COL4A2: variants seen among roughly 807,000 people sequenced by gnomAD.
COL4A2 encodes collagen type IV alpha 2 chain, also known as collagen alpha-2(IV) chain.
Under a neutral mutation model 200.2 loss-of-function variants are expected in COL4A2, and 99 were observed. The observed-to-expected ratio is 0.49, with a 90% CI of 0.42 to 0.58. The LOEUF (loss-of-function observed/expected upper bound fraction) is 0.58. Ranked by LOEUF, COL4A2 falls within the 20% of genes least tolerant of loss-of-function variation. The probability of loss-of-function intolerance (pLI) is 0.00; values close to 1 mark genes in which losing one functional copy is unlikely to be tolerated. For missense variants in COL4A2, 1,950 were observed against 2,314.1 expected, an observed-to-expected ratio of 0.84 and a Z score of 3.23; for synonymous variants, 897 against 900.6, an observed-to-expected ratio of 1.00 and a Z score of 0.07.
chr13:110,450,507 C>T (rs769152404), intron 20 of COL4A2, 53 bp downstream of exon 20: 14 of 1,589,696 alleles, frequency 8.8e-6, no homozygotes, highest in Admixed American at 3.4e-5. Flanking sequence ...AGATGAAGCC[C>T]GGTCCCAGCC....
At chr13:110,319,138 GTCT>G (rs1885218753) in intron 3 of COL4A2, among the ~76,000 whole-genome samples, 1 of 152,044 alleles carries the variant, frequency 6.6e-6, no homozygotes, top group African/African-American at 2.4e-5. Flanking sequence ...GGAGGTTTTA[GTCT>G]TCACGATTCT....
intron 4 of COL4A2, among the ~76,000 whole-genome samples, chr13:110,403,201 T>C (rs1415791737): frequency 6.6e-6 from 1 of 152,216 alleles, no homozygotes; most frequent in African/African-American, 2.4e-5. Context: ...GCTGAACATG[T>C]TTTCTACTCT....
At chr13:110,503,787 C>A in intron 43 of COL4A2, 60 bp from the exon 44 acceptor site, 14 of 1,596,210 alleles carry the variant, frequency 8.8e-6, no homozygotes, top group Non-Finnish European at 1.2e-5. Context: ...CAGTAGCACT[C>A]GGAGCAAGAG....
intron 41 of COL4A2, 60 bp downstream of exon 41, chr13:110,501,844 C>T: frequency 6.7e-7 from 1 of 1,500,856 alleles, no homozygotes. Context: ...TGGCAATGGC[C>T]CGCTTAATGT....
chr13:110,507,330 T>C (rs1883920643), intron 46 of COL4A2: 1 of 153,086 alleles, frequency 6.5e-6, no homozygotes, highest in Non-Finnish European at 1.5e-5. Context: ...CCGCCAAGGA[T>C]AAGGGCCAAA....
At chr13:110,412,652 G>C (rs1001950278) in intron 4 of COL4A2, among the ~76,000 whole-genome samples, 10 of 152,194 alleles carry the variant, frequency 6.6e-5, no homozygotes, top group African/African-American at 2.4e-4. Flanking sequence ...TTACGCCCCT[G>C]AGTCACAGTA....
intron 29 of COL4A2, among the ~76,000 whole-genome samples, chr13:110,477,188 A>T (rs1181470896): frequency 1.3e-5 from 2 of 152,232 alleles, no homozygotes; most frequent in Non-Finnish European, 2.9e-5. Context: ...GTCTCCATTT[A>T]AAAAAGAAAG....
chr13:110,311,726 A>G (rs1347964968), intron 3 of COL4A2, among the ~76,000 whole-genome samples: 1 of 152,118 alleles, frequency 6.6e-6, no homozygotes, highest in Non-Finnish European at 1.5e-5. Context: ...ATTGTCACCT[A>G]TCTCCAGAGG....
intron 4 of COL4A2, among the ~76,000 whole-genome samples, chr13:110,373,567 CAT>C (rs1265780238): frequency 6.6e-6 from 1 of 152,222 alleles, no homozygotes; most frequent in African/African-American, 2.4e-5. Context: ...CTCCTGTCCT[CAT>C]GTGTGGCTTA....
At chr13:110,343,688 C>T (rs1300050714) in intron 3 of COL4A2, among the ~76,000 whole-genome samples, 1 of 152,244 alleles carries the variant, frequency 6.6e-6, no homozygotes, top group Non-Finnish European at 1.5e-5. Flanking sequence ...CGCAGCGCTG[C>T]TGTGTGCCAA....
chr13:110,466,415 C>T (rs1444258753), intron 26 of COL4A2, among the ~76,000 whole-genome samples: 1 of 152,136 alleles, frequency 6.6e-6, no homozygotes, highest in Non-Finnish European at 1.5e-5. Context: ...AAGATGGGAG[C>T]CTGGTCCAGA....
rs527466938 is a variant in COL4A2 at position 110,483,835 on chromosome 13, C to T, written c.2903-1070C>T. Among the ~76,000 whole-genome samples, 20 of 152,314 alleles carry T rather than the reference C, an allele frequency of 1.3e-4. No homozygotes were observed. In the South Asian group the frequency reaches 3.1e-3, roughly 24 times the overall value. On this transcript the variant is annotated intron_variant, in intron 32 of 47. Coordinates refer to ENST00000360467, the MANE Select transcript of COL4A2 (RefSeq NM_001846.4). ...TGGGATAAAGTGTTCTCAAGTTAGACGGTGCTGCTTGCTCACAGCTCTGTG... is the reference window on the plus strand; with the variant it reads ...TGGGATAAAGTGTTCTCAAGTTAGATGGTGCTGCTTGCTCACAGCTCTGTG...
chr13:110,478,810 T>C (rs1197554728), intron 30 of COL4A2, among the ~76,000 whole-genome samples: 1 of 79,984 alleles, frequency 1.3e-5, no homozygotes, highest in African/African-American at 3.7e-5. Flanking sequence ...TAAGGAAGTG[T>C]TGTATGTCAC....
intron 40 of COL4A2, among the ~76,000 whole-genome samples, chr13:110,500,778 G>T (rs910467796): frequency 2.6e-5 from 4 of 152,180 alleles, no homozygotes; most frequent in Non-Finnish European, 5.9e-5. Context: ...GTTTAGTGTG[G>T]ATTGCTGATT....
At chr13:110,397,398 C>G (rs1470187685) in intron 4 of COL4A2, among the ~76,000 whole-genome samples, 1 of 152,154 alleles carries the variant, frequency 6.6e-6, no homozygotes, top group East Asian at 1.9e-4. Flanking sequence ...TATTTATAGG[C>G]TTGATTGGAG....
intron 4 of COL4A2, among the ~76,000 whole-genome samples, chr13:110,373,133 A>G (rs1283352509): frequency 6.6e-6 from 1 of 152,240 alleles, no homozygotes; most frequent in Non-Finnish European, 1.5e-5. Flanking sequence ...AGCACTATGA[A>G]TCATTTGGGG....
chr13:110,334,398 A>C (rs1876074931), intron 3 of COL4A2, among the ~76,000 whole-genome samples: 1 of 152,228 alleles, frequency 6.6e-6, no homozygotes, highest in Admixed American at 6.5e-5. Flanking sequence ...TCTGTTCCAG[A>C]GGCTTCCCTT....
intron 28 of COL4A2, among the ~76,000 whole-genome samples, chr13:110,472,713 G>A (rs927214399): frequency 6.6e-5 from 10 of 152,242 alleles, no homozygotes; most frequent in Non-Finnish European, 1.0e-4. Flanking sequence ...CTGGGGGGCC[G>A]AATGGCGGGG....
intron 3 of COL4A2, among the ~76,000 whole-genome samples, chr13:110,324,075 C>T (rs1378057740): frequency 1.3e-5 from 2 of 152,082 alleles, no homozygotes; most frequent in African/African-American, 4.8e-5. Flanking sequence ...AACTGCAAGA[C>T]AGAGTGCCAA....
Sources: allele counts gnomAD v4.1 joint callset (sites outside exome capture counted in the v4.1 genomes callset), GRCh38; gene constraint gnomAD v4.1.1; transcripts MANE v1.5; gene names NCBI Gene and HGNC (gene_info 2026-07-23, HGNC 2026-07-21).